ZNF75A: variants seen among roughly 807,000 people sequenced by gnomAD.
ZNF75A encodes zinc finger protein 75A.
A neutral mutation model predicts 46.3 loss-of-function variants in ZNF75A; 36 were observed. The observed-to-expected ratio is 0.78, with a 90% confidence interval of 0.60 to 1.03. ZNF75A has a LOEUF of 1.03. Ranked by LOEUF, ZNF75A falls within the 50% of genes least tolerant of loss-of-function variation. The pLI is 0.00. For synonymous variants in ZNF75A, 234 were observed against 189.9 expected, an observed-to-expected ratio of 1.23 and a Z score of -1.91; for missense variants, 595 against 551.3, an observed-to-expected ratio of 1.08 and a Z score of -0.79.
intron 2 of ZNF75A, chr16:3,310,726 C>G: frequency 2.0e-6 from 2 of 985,528 alleles, no homozygotes; most frequent in Non-Finnish European, 2.4e-6. Flanking sequence ...AAAGAAAAAT[C>G]CCAACAGAAT....
rs1199667528 is a variant in ZNF75A, at chr16:3,311,818, CG to C, written c.477del (p.Leu160Ter). On this transcript the variant is annotated frameshift_variant, in exon 3 of 7. Transcript: ENST00000669516. LOFTEE classifies it high-confidence loss of function. ...LGETAEASSF[G>X]LKPTESQPVG... is the part of the protein sequence containing the mutation. ...GAGAAACAGCAGAGGCCTCAAGTTTCGGGCTGAAGCCAACAGAGTCCCAACC... is the reference window on the plus strand; with the variant it reads ...GAGAAACAGCAGAGGCCTCAAGTTTCGGCTGAAGCCAACAGAGTCCCAACC... 5 of 1,048,632 alleles carry C rather than the reference CG, an allele frequency of 4.8e-6. No individual in the cohort carries two copies. The African/African-American group carries it at 8.5e-5, about 18-fold the overall frequency. The allele number at this position is 1,048,632 out of a possible 1,614,324, so 65.0% of individuals were successfully genotyped here. A position where few individuals can be genotyped will look rare whatever the true frequency, so the allele number is the denominator to read the frequency against.
chr16:3,311,195 T>C (rs554471991), intron 2 of ZNF75A, among the ~76,000 whole-genome samples: 13 of 151,142 alleles, frequency 8.6e-5, no homozygotes, highest in African/African-American at 3.2e-4. Flanking sequence ...CCCAGCACTT[T>C]GGGAGGCTGA....
At chr16:3,315,159 G>A (rs1961107478) in intron 5 of ZNF75A, 1 of 710,940 alleles carries the variant, frequency 1.4e-6, no homozygotes, top group African/African-American at 1.9e-5. Context: ...GCATTATCCA[G>A]TTGCTCAGGG....
At chr16:3,319,287 G>A (rs1396057862), downstream of ZNF75A, among the ~76,000 whole-genome samples, 1 of 152,000 alleles carries the variant, frequency 6.6e-6, no homozygotes, top group East Asian at 1.9e-4. Flanking sequence ...CTAATTTTTT[G>A]TATTTTTAGT....
intron 5 of ZNF75A, chr16:3,315,169 G>T: frequency 1.4e-6 from 1 of 727,900 alleles, no homozygotes; most frequent in Non-Finnish European, 1.7e-6. Context: ...GTTGCTCAGG[G>T]CAAACAAAGT....
At position 3,313,067 on chromosome 16, in the gene ZNF75A, G is replaced by A. The variant is rs368886778; in HGVS notation, c.715G>A (p.Glu239Lys). The change falls in exon 5 of 7, where the codon GAA becomes AAA. Residue 239 changes from glutamate (E) to lysine (K), a missense_variant. By Grantham distance (56) the Glu-to-Lys change is moderately conservative. Coordinates refer to ENST00000669516, the MANE Select transcript of ZNF75A (RefSeq NM_001302109.2). ...TCTTTAGAGCTTGTTGACATTTGAAGAAGTGGCCATGTATTTTTCCCAGGA... is the reference window on the plus strand; with the variant it reads ...TCTTTAGAGCTTGTTGACATTTGAAAAAGTGGCCATGTATTTTTCCCAGGA... ...PESQSLLTFE[E>K]VAMYFSQEEW... is the part of the protein sequence containing the mutation. 1 of 1,613,522 alleles carries A rather than the reference G, an allele frequency of 6.2e-7. No individual in the cohort carries two copies. Among genetic ancestry groups the A allele is most frequent in the African/African-American group, 1.3e-5 (1 of 74,912 alleles).
intron 2 of ZNF75A, chr16:3,310,974 T>C: frequency 1.0e-6 from 1 of 984,556 alleles, no homozygotes; most frequent in Non-Finnish European, 1.2e-6. Flanking sequence ...CCCTTTTTTC[T>C]CCATTCTATC....
At position 3,306,326 on chromosome 16, in the gene ZNF75A, T is replaced by G. The variant is rs191153632; in HGVS notation, c.-117+683T>G. 1.0e-3 allele frequency: 156 copies of G among 152,350 alleles called. 1 individual carries two copies. The highest frequency in any genetic ancestry group is 3.6e-3 in the African/African-American group (150 of 41,578). The allele number at this position is 152,350 out of a possible 1,614,324, so 9.4% of individuals were successfully genotyped here. On this transcript the variant is annotated intron_variant, in intron 1 of 6. Coordinates refer to ENST00000669516, the MANE Select transcript of ZNF75A (RefSeq NM_001302109.2). ...TCAGCGACAGAAAGAAAATACGACT[T>G]GATATTTTGTAAATAAAATATCCTT...
intron 5 of ZNF75A, among the ~76,000 whole-genome samples, chr16:3,313,741 G>A (rs967197250): frequency 6.6e-6 from 1 of 152,100 alleles, no homozygotes; most frequent in Admixed American, 6.5e-5. Context: ...AACCTAATCA[G>A]ATCATGACAT....
At chr16:3,319,484 C>G (rs1483260186), downstream of ZNF75A, among the ~76,000 whole-genome samples, 1 of 152,204 alleles carries the variant, frequency 6.6e-6, no homozygotes, top group Non-Finnish European at 1.5e-5. Context: ...CCAGCACCAC[C>G]TTAACTTAAG....
intron 5 of ZNF75A, 23 bp downstream of exon 5, chr16:3,313,198 A>T: frequency 1.2e-6 from 2 of 1,610,998 alleles, no homozygotes; most frequent in Non-Finnish European, 1.7e-6. Context: ...CCTTCCCTTT[A>T]TGTAGTTGAG....
In ZNF75A at chr16:3,311,811, C is replaced by G. The variant is rs1015290887; in HGVS notation, c.467C>G (p.Ser156Ter). ...AVLLGETAEASSFGLKPTESQ... is the reference protein window; with the variant it reads ...AVLLGETAEA Reference sequence around the variant, plus strand: ...CTCTTGGGAGAAACAGCAGAGGCCTCAAGTTTCGGGCTGAAGCCAACAGAG... The same window carrying G: ...CTCTTGGGAGAAACAGCAGAGGCCTGAAGTTTCGGGCTGAAGCCAACAGAG... Residue 156 changes from serine to a stop codon, truncating the protein, a stop_gained, in exon 3 of 7, where the codon TCA becomes TGA. Transcript: ENST00000669516. LOFTEE classifies it high-confidence loss of function. The G allele has an allele frequency of 9.5e-7, 1 of 1,049,428 alleles. No individual in the cohort carries two copies. Among genetic ancestry groups the G allele is most frequent in the African/African-American group, 1.7e-5 (1 of 59,070 alleles). 65.0% of individuals were successfully genotyped at this position (1,049,428 alleles called of 1,614,324 possible).
rs1441830052 is a variant in ZNF75A, at chr16:3,318,105, C to T, written c.*236C>T. 1.6e-6 allele frequency: 2 copies of T among 1,264,314 alleles called. No homozygotes were observed. Among genetic ancestry groups the T allele is most frequent in the South Asian group, 2.8e-5 (1 of 35,930 alleles). The allele number at this position is 1,264,314 out of a possible 1,614,324, so 78.3% of individuals were successfully genotyped here. ...TGATCTCTCCAGTCATTTTTGAACACATCCAATAGAAACATTGGCAGCATG... is the reference window on the plus strand; with the variant it reads ...TGATCTCTCCAGTCATTTTTGAACATATCCAATAGAAACATTGGCAGCATG... On this transcript the variant is annotated 3_prime_UTR_variant, in exon 7 of 7. Coordinates refer to ENST00000669516, the MANE Select transcript of ZNF75A (RefSeq NM_001302109.2).
At chr16:3,312,105 C>A in intron 3 of ZNF75A, 157 bp downstream of exon 3, 1 of 187,332 alleles carries the variant, frequency 5.3e-6, no homozygotes, top group Non-Finnish European at 1.0e-5. Flanking sequence ...AGTAGAAATG[C>A]CAACTGTGGA....
rs539529245 is a variant in ZNF75A, at chr16:3,316,611, G to T, written c.824-301G>T. 1.5e-5 allele frequency: 3 copies of T among 201,934 alleles called. No homozygotes were observed. The East Asian group carries it at 3.6e-4, about 24-fold the overall frequency. 12.5% of individuals were successfully genotyped at this position (201,934 alleles called of 1,614,324 possible). ...ATATTCCCTGCAACTTCTGGAGCTT[G>T]GTTCCCCCTTGGTTGGATATAGGGT... On this transcript the variant is annotated intron_variant, in intron 5 of 6. Transcript: ENST00000669516.
intron 5 of ZNF75A, chr16:3,315,019 C>T: frequency 3.0e-6 from 3 of 984,948 alleles, no homozygotes; most frequent in Non-Finnish European, 3.6e-6. Flanking sequence ...GTGGTGTATC[C>T]AGATCACCTG....
chr16:3,320,001 C>T (rs1288847455), downstream of ZNF75A, among the ~76,000 whole-genome samples: 2 of 152,050 alleles, frequency 1.3e-5, no homozygotes, highest in South Asian at 4.1e-4. Context: ...TCTGTTAAAT[C>T]ACTGAGACAT....
intron 2 of ZNF75A, chr16:3,310,992 TCTGAAAACCTTCG>T (rs1218752935): frequency 2.6e-5 from 25 of 976,778 alleles, no homozygotes; most frequent in Non-Finnish European, 2.3e-5. Flanking sequence ...ATCCCCATTC[TCTGAAAACCTTCG>T]CTGGCTATAG....
chr16:3,319,862 C>A (rs954783274), downstream of ZNF75A, among the ~76,000 whole-genome samples: 1 of 150,780 alleles, frequency 6.6e-6, no homozygotes, highest in African/African-American at 2.4e-5. Flanking sequence ...AATCATGGAA[C>A]CACATACAGA....
Sources: allele counts gnomAD v4.1 joint callset (sites outside exome capture counted in the v4.1 genomes callset), GRCh38; gene constraint gnomAD v4.1.1; transcripts MANE v1.5; gene names NCBI Gene and HGNC (gene_info 2026-07-23, HGNC 2026-07-21).